The following RSU1 variants were observed in gnomAD, a reference collection of about 807,000 sequenced individuals.
The protein encoded by RSU1 is rsu-1.
In RSU1, 26 loss-of-function variants were observed where a neutral mutation model predicts 31.1. That is an observed-to-expected ratio of 0.84 (90% CI 0.61 to 1.16). RSU1 has a LOEUF of 1.16. RSU1 is among the 50% of genes most tolerant of loss of function. The pLI, the probability that RSU1 is intolerant of heterozygous loss-of-function variation, is 0.00. For synonymous variants in RSU1, 164 were observed against 136.3 expected (o/e 1.20, Z -1.41); for missense variants, 320 against 339.1 (o/e 0.94, Z 0.44).
chr10:16,817,397 C>A lies in RSU1; in HGVS notation c.-86G>T. Reference sequence around the variant, plus strand: ...CTCCAGCTGCCCTCACTCCCTGCAACACCGGCACTGAACAGCGAACACGCC... The same window carrying A: ...CTCCAGCTGCCCTCACTCCCTGCAAAACCGGCACTGAACAGCGAACACGCC... On this transcript the variant is annotated 5_prime_UTR_variant, in exon 1 of 9. Transcript: ENST00000345264. 3.0e-6 allele frequency: 1 copy of A among 334,966 alleles called. No homozygotes were observed. The highest frequency in any genetic ancestry group is 5.7e-6 in the Non-Finnish European group (1 of 176,178). 20.7% of individuals were successfully genotyped at this position (334,966 alleles called of 1,614,324 possible). A position where few individuals can be genotyped will look rare whatever the true frequency, so the allele number is the denominator to read the frequency against.
At chr10:16,642,336 C>T (rs1008362854) in intron 8 of RSU1, among the ~76,000 whole-genome samples, 5 of 152,168 alleles carry the variant, frequency 3.3e-5, no homozygotes, top group African/African-American at 9.7e-5. Flanking sequence ...TGCTGCTCTG[C>T]GGAGACCCAC....
chr10:16,684,839 T>C (rs7896721), intron 8 of RSU1, among the ~76,000 whole-genome samples: 109,427 of 152,120 alleles, frequency 0.72, 39,794 homozygotes, highest in African/African-American at 0.83. Flanking sequence ...CATTAACCTG[T>C]CACAAAAAAA....
chr10:16,649,401 A>T (rs1044015897), intron 8 of RSU1, among the ~76,000 whole-genome samples: 2 of 152,214 alleles, frequency 1.3e-5, no homozygotes, highest in Non-Finnish European at 2.9e-5. Flanking sequence ...AAATCTTATC[A>T]GTCTTTAAAA....
At chr10:16,754,424 A>G (rs1245905042) in intron 5 of RSU1, among the ~76,000 whole-genome samples, 1 of 152,226 alleles carries the variant, frequency 6.6e-6, no homozygotes, top group Non-Finnish European at 1.5e-5. Flanking sequence ...CAAAATAGGA[A>G]TACTGGCTGG....
At chr10:16,622,389 C>A (rs948472052) in intron 8 of RSU1, among the ~76,000 whole-genome samples, 3 of 152,112 alleles carry the variant, frequency 2.0e-5, no homozygotes, top group Non-Finnish European at 1.5e-5. Flanking sequence ...AGAACCATTG[C>A]ATTAGGGAAG....
chr10:16,627,743 G>A (rs949478689), intron 8 of RSU1, among the ~76,000 whole-genome samples: 2 of 136,534 alleles, frequency 1.5e-5, no homozygotes, highest in African/African-American at 5.7e-5. Flanking sequence ...GGCAACAAGA[G>A]TGAAACTCCA....
Position 16,725,696 on chromosome 10 carries a change from C to T in RSU1, c.598+26843G>A, listed in dbSNP as rs115530720. Among the ~76,000 whole-genome samples, 1,447 of 151,564 alleles carry T rather than the reference C, an allele frequency of 9.5e-3. 28 individuals carry two copies. Among genetic ancestry groups the T allele is most frequent in the African/African-American group, 0.033 (1,348 of 41,272 alleles). On this transcript the variant is annotated intron_variant, in intron 7 of 8. Transcript: ENST00000345264. ...GTGTCACCAGATGGAATGCAGCCCTCGCCAGAAAACTGAATCTGTCCGCTC... is the reference window on the plus strand; with the variant it reads ...GTGTCACCAGATGGAATGCAGCCCTTGCCAGAAAACTGAATCTGTCCGCTC...
intron 7 of RSU1, among the ~76,000 whole-genome samples, chr10:16,720,626 T>C (rs74125853): frequency 7.9e-5 from 12 of 152,224 alleles, no homozygotes; most frequent in Admixed American, 2.6e-4. Context: ...ACAGAATACA[T>C]AAATAAGTAT....
rs746587489 is a variant in RSU1, at chr10:16,593,484, T to C, written c.744A>G (p.Arg248=). Residue 248 remains arginine (R), a synonymous_variant, in exon 9 of 9, where the codon AGA becomes AGG. Transcript: ENST00000345264. The part of the protein sequence containing the change: ...RSETYKYLYG[R]HMQANPEPPK... ...GTGGTTCTGGGTTGGCCTGCATGTG[T>C]CTGCCGTAGAGGCTGCAAAGACAGA... 1.2e-6 allele frequency: 2 copies of C among 1,613,894 alleles called. No individual in the cohort carries two copies. Among genetic ancestry groups the C allele is most frequent in the South Asian group, 2.2e-5 (2 of 91,076 alleles).
chr10:16,707,896 G>T (rs1835938269), intron 7 of RSU1, among the ~76,000 whole-genome samples: 1 of 151,680 alleles, frequency 6.6e-6, no homozygotes, highest in African/African-American at 2.4e-5. Context: ...CTTTTTTTTG[G>T]TAAGAGGTAG....
chr10:16,726,970 T>C, intron 7 of RSU1: 1 of 437,276 alleles, frequency 2.3e-6, no homozygotes, highest in South Asian at 1.6e-5. Flanking sequence ...ATGACTAAAC[T>C]TGTTTTCTCA....
intron 7 of RSU1, among the ~76,000 whole-genome samples, chr10:16,705,996 C>G (rs193027952): frequency 1.3e-3 from 192 of 152,206 alleles, no homozygotes; most frequent in African/African-American, 4.4e-3. Context: ...TCTGTGGATA[C>G]GAAGGGCCAA....
At chr10:16,710,583 TAGTTCTTCTTCAAATGTTTTGTAGAATTC>T (rs142329573) in intron 7 of RSU1, among the ~76,000 whole-genome samples, 8,232 of 152,260 alleles carry the variant, frequency 0.054, 376 homozygotes, top group African/African-American at 0.13. Flanking sequence ...GAACTGTTAT[TAGTTCTTCTTCAAATGTTTTGTAGAATTC>T]AGTAGTGAAG....
chr10:16,796,609 T>A (rs1838038714), intron 2 of RSU1, among the ~76,000 whole-genome samples: 1 of 152,092 alleles, frequency 6.6e-6, no homozygotes, highest in African/African-American at 2.4e-5. Flanking sequence ...GTCAAACTGT[T>A]CATCACAATG....
At chr10:16,794,927 G>C (rs575869721) in intron 2 of RSU1, among the ~76,000 whole-genome samples, 11 of 152,174 alleles carry the variant, frequency 7.2e-5, no homozygotes, top group Admixed American at 1.3e-4. Flanking sequence ...AAAATCACTG[G>C]ATTGTTCTGG....
chr10:16,600,570 G>A (rs573768891), intron 8 of RSU1, among the ~76,000 whole-genome samples: 63 of 149,790 alleles, frequency 4.2e-4, no homozygotes, highest in Non-Finnish European at 7.7e-4. Context: ...TTTTTTTTAG[G>A]GGGGGGTGGT....
chr10:16,757,359 C>G (rs1428678617), intron 4 of RSU1, among the ~76,000 whole-genome samples: 1 of 152,120 alleles, frequency 6.6e-6, no homozygotes, highest in Non-Finnish European at 1.5e-5. Context: ...CCATCCAGCC[C>G]TACCAAGAGG....
Position 16,774,236 on chromosome 10 carries a change from T to A in RSU1, c.160+7798A>T, listed in dbSNP as rs530293490. On this transcript the variant is annotated intron_variant, in intron 3 of 8. Coordinates refer to ENST00000345264, the MANE Select transcript of RSU1 (RefSeq NM_012425.4). Reference sequence around the variant, plus strand: ...TAAGATGGCACTTATCAATATTTTTTAAAAAGTCATCAAGAATGAGTTCTG... The same window carrying A: ...TAAGATGGCACTTATCAATATTTTTAAAAAAGTCATCAAGAATGAGTTCTG... Among the ~76,000 whole-genome samples the A allele has an allele frequency of 2.0e-5, 3 of 152,314 alleles. No homozygotes were observed. The East Asian group carries it at 5.8e-4, about 29-fold the overall frequency.
At chr10:16,716,832 T>A (rs1836151790) in intron 7 of RSU1, among the ~76,000 whole-genome samples, 1 of 151,590 alleles carries the variant, frequency 6.6e-6, no homozygotes, top group African/African-American at 2.4e-5. Context: ...GATACCTTCA[T>A]AGGAGACAAG....
Sources: gnomAD v4.1 joint callset for allele counts (sites outside exome capture counted in the v4.1 genomes callset) on GRCh38, gnomAD v4.1.1 for gene constraint, MANE v1.5 for transcripts, NCBI Gene and HGNC (gene_info 2026-07-23, HGNC 2026-07-21) for gene names.